The following GMDS variants were observed in gnomAD, a reference collection of about 807,000 sequenced individuals.
The protein encoded by GMDS is GDP-mannose 4,6 dehydratase.
Under a neutral mutation model 49.9 loss-of-function variants are expected in GMDS, and 20 were observed. That is an observed-to-expected ratio of 0.40 (90% confidence interval 0.28 to 0.58). The LOEUF is 0.58. Among genes scored for constraint, GMDS ranks in the 20% least tolerant of loss-of-function variants. The probability of loss-of-function intolerance (pLI) is 0.42; values close to 1 mark genes in which losing one functional copy is unlikely to be tolerated. For synonymous variants in GMDS, 177 were observed against 178.6 expected (o/e 0.99, Z 0.07); for missense variants, 362 against 481.4 (o/e 0.75, Z 2.32).
At chr6:1,951,762 T>C (rs935623231) in intron 6 of GMDS, 3 of 400,494 alleles carry the variant, frequency 7.5e-6, no homozygotes, top group Admixed American at 6.4e-5. Flanking sequence ...CAAGAGAAGT[T>C]ATTTATTTCA....
At chr6:1,853,505 G>A (rs34148908) in intron 7 of GMDS, among the ~76,000 whole-genome samples, 12 of 126,632 alleles carry the variant, frequency 9.5e-5, no homozygotes, top group East Asian at 2.2e-4. Flanking sequence ...GCGACAGAGC[G>A]AGACTCCGTC....
At chr6:2,175,341 A>G (rs1033515952) in intron 1 of GMDS, among the ~76,000 whole-genome samples, 1 of 152,234 alleles carries the variant, frequency 6.6e-6, no homozygotes, top group Non-Finnish European at 1.5e-5. Flanking sequence ...AGTCTAAAGA[A>G]TAACAAAAAT....
intron 9 of GMDS, among the ~76,000 whole-genome samples, chr6:1,682,386 C>T (rs1324611318): frequency 6.6e-6 from 1 of 152,232 alleles, no homozygotes; most frequent in Non-Finnish European, 1.5e-5. Context: ...CTACCAAGCT[C>T]AGCCTCACTG....
At chr6:1,634,372 A>G (rs1763080570) in intron 9 of GMDS, among the ~76,000 whole-genome samples, 1 of 152,208 alleles carries the variant, frequency 6.6e-6, no homozygotes, top group Non-Finnish European at 1.5e-5. Context: ...CCTGAAGTGA[A>G]GCTGTGACCC....
chr6:2,205,376 TC>T (rs765662630), intron 1 of GMDS, among the ~76,000 whole-genome samples: 7 of 152,182 alleles, frequency 4.6e-5, no homozygotes, highest in South Asian at 4.1e-4. Context: ...ATCCCACACA[TC>T]CTGCCGCCTT....
intron 7 of GMDS, among the ~76,000 whole-genome samples, chr6:1,843,952 G>C (rs1561841006): frequency 6.6e-6 from 1 of 152,100 alleles, no homozygotes; most frequent in African/African-American, 2.4e-5. Context: ...CTGTGGTGTC[G>C]GCTTGTCGGC....
chr6:2,179,457 T>C (rs1238492114), intron 1 of GMDS, among the ~76,000 whole-genome samples: 1 of 152,212 alleles, frequency 6.6e-6, no homozygotes, highest in African/African-American at 2.4e-5. Context: ...ATGAGTGTTC[T>C]GTCCTCACAA....
chr6:1,810,267 A>G (rs1054697162), intron 7 of GMDS, among the ~76,000 whole-genome samples: 1 of 152,140 alleles, frequency 6.6e-6, no homozygotes, highest in African/African-American at 2.4e-5. Context: ...AAGTGGGAGG[A>G]ATAGGCAGGG....
chr6:2,113,268 G>A (rs1774651919), intron 4 of GMDS, among the ~76,000 whole-genome samples: 1 of 151,890 alleles, frequency 6.6e-6, no homozygotes, highest in Non-Finnish European at 1.5e-5. Context: ...GCCCCACCTG[G>A]CATCCTGTTT....
Position 1,635,251 on chromosome 6 carries a change from C to T in GMDS, c.988-10711G>A, listed in dbSNP as rs1366113887. Among the ~76,000 whole-genome samples, 2 of 152,172 alleles carry T rather than the reference C, an allele frequency of 1.3e-5. No individual in the cohort carries two copies. The highest frequency in any genetic ancestry group is 6.5e-5 in the Admixed American group (1 of 15,282). Reference sequence around the variant, plus strand: ...AGTCTGCTTAGCTCTGGGAAAGGGGCTCCGTTTCACATGTCCTGGCTATGC... The same window carrying T: ...AGTCTGCTTAGCTCTGGGAAAGGGGTTCCGTTTCACATGTCCTGGCTATGC... On this transcript the variant is annotated intron_variant, in intron 9 of 10. Coordinates refer to ENST00000380815, the MANE Select transcript of GMDS (RefSeq NM_001500.4). This position sits in a 1 kb window ranked among gnomAD's most constrained non-coding sequence, Gnocchi z 4.7.
intron 7 of GMDS, among the ~76,000 whole-genome samples, chr6:1,884,291 T>C (rs909395484): frequency 3.9e-5 from 6 of 152,214 alleles, no homozygotes; most frequent in Non-Finnish European, 7.3e-5. Context: ...GAAAATATGA[T>C]ATAAGAGGGC....
chr6:1,905,627 G>C (rs1317933234), intron 7 of GMDS, among the ~76,000 whole-genome samples: 1 of 136,582 alleles, frequency 7.3e-6, no homozygotes, highest in African/African-American at 2.8e-5. Flanking sequence ...AGGTACCTGT[G>C]CATCTGCATG....
chr6:1,683,414 C>T (rs1490437310), intron 9 of GMDS, among the ~76,000 whole-genome samples: 2 of 152,188 alleles, frequency 1.3e-5, no homozygotes, highest in Non-Finnish European at 2.9e-5. Context: ...TGAGCCACCG[C>T]GCGCGGCCTG....
At chr6:2,133,727 A>C (rs545692510) in intron 1 of GMDS, among the ~76,000 whole-genome samples, 1 of 152,326 alleles carries the variant, frequency 6.6e-6, no homozygotes, top group South Asian at 2.1e-4. Flanking sequence ...GACAAAATTC[A>C]AGCATATATC....
intron 6 of GMDS, among the ~76,000 whole-genome samples, chr6:1,933,712 G>T (rs748823076): frequency 7.9e-5 from 12 of 152,088 alleles, no homozygotes; most frequent in Non-Finnish European, 1.2e-4. Flanking sequence ...TTTTTAAATC[G>T]GATTACTTAT....
intron 1 of GMDS, among the ~76,000 whole-genome samples, chr6:2,228,899 T>C (rs1780946318): frequency 6.6e-6 from 1 of 151,998 alleles, no homozygotes; most frequent in Non-Finnish European, 1.5e-5. Context: ...AATGGGGCAA[T>C]GGAAGTGGCC....
intron 4 of GMDS, among the ~76,000 whole-genome samples, chr6:2,097,329 G>A (rs1321735254): frequency 5.9e-5 from 9 of 152,080 alleles, no homozygotes; most frequent in Non-Finnish European, 1.0e-4. Flanking sequence ...GCCCCTCGGC[G>A]ACTGAGCATT....
chr6:2,077,806 A>G (rs540542697), intron 4 of GMDS, among the ~76,000 whole-genome samples: 5 of 152,104 alleles, frequency 3.3e-5, no homozygotes, highest in Admixed American at 6.5e-5. Context: ...AGAATGAGTT[A>G]GGGAGAATTC....
intron 4 of GMDS, among the ~76,000 whole-genome samples, chr6:1,971,135 T>A (rs1311434974): frequency 6.6e-6 from 1 of 152,156 alleles, no homozygotes; most frequent in Non-Finnish European, 1.5e-5. Context: ...TTATGTAATG[T>A]AAGTAGAAGC....
Sources: allele counts gnomAD v4.1 joint callset (sites outside exome capture counted in the v4.1 genomes callset), GRCh38; gene constraint gnomAD v4.1.1; non-coding constraint Gnocchi (gnomAD v3.1); transcripts MANE v1.5; gene names NCBI Gene and HGNC (gene_info 2026-07-23, HGNC 2026-07-21).